The following NTM variants were observed in gnomAD, a reference collection of about 807,000 sequenced individuals.
NTM encodes IgLON family member 2.
A neutral mutation model predicts 42.1 loss-of-function variants in NTM; 13 were observed. The ratio of observed to expected loss-of-function variants is 0.31; its 90% CI spans 0.20 to 0.49. NTM has a LOEUF of 0.49. Ranked by LOEUF, NTM falls within the 20% of genes least tolerant of loss-of-function variation. NTM has a pLI of 0.99. For synonymous variants in NTM, 187 were observed against 179.2 expected (o/e 1.04, Z -0.35); for missense variants, 373 against 452.8 (o/e 0.82, Z 1.60).
chr11:132,146,797 G>T lies in NTM; in HGVS notation c.400+283G>T. The T allele has an allele frequency of 5.0e-6, 2 of 403,340 alleles. No homozygotes were observed. Among genetic ancestry groups the T allele is most frequent in the East Asian group, 4.0e-5 (1 of 24,752 alleles). 25.0% of individuals were successfully genotyped at this position (403,340 alleles called of 1,614,324 possible). Reference sequence around the variant, plus strand: ...TCTTCTTGGCTTTTTTCTCCCCTAAGTTTTAGTTATTTTTGTTTGTTTGTT... The same window carrying T: ...TCTTCTTGGCTTTTTTCTCCCCTAATTTTTAGTTATTTTTGTTTGTTTGTT... On this transcript the variant is annotated intron_variant, in intron 3 of 8. Coordinates refer to ENST00000683400, the MANE Select transcript of NTM (RefSeq NM_001352005.2). The surrounding 1 kb of genome is among the most constrained non-coding windows in gnomAD (Gnocchi z 4.5).
intron 2 of NTM, among the ~76,000 whole-genome samples, chr11:132,019,469 G>T (rs1253311103): frequency 6.6e-6 from 1 of 151,808 alleles, no homozygotes; most frequent in Non-Finnish European, 1.5e-5. Flanking sequence ...TGTCAGGTTT[G>T]CTTGCTGTAT....
At chr11:131,680,257 G>A (rs550077294) in intron 1 of NTM, among the ~76,000 whole-genome samples, 1 of 152,224 alleles carries the variant, frequency 6.6e-6, no homozygotes, top group Non-Finnish European at 1.5e-5. Flanking sequence ...AATCGGAAAA[G>A]ATACCAGATA....
chr11:132,289,283 T>A (rs2094368703), intron 4 of NTM, among the ~76,000 whole-genome samples: 1 of 152,208 alleles, frequency 6.6e-6, no homozygotes, highest in Non-Finnish European at 1.5e-5. Context: ...AGACTCTAGA[T>A]TCTGTTAAGA....
intron 4 of NTM, among the ~76,000 whole-genome samples, chr11:132,215,555 T>C (rs1288675535): frequency 6.6e-6 from 1 of 152,186 alleles, no homozygotes; most frequent in Non-Finnish European, 1.5e-5. Flanking sequence ...GAAACGGAGA[T>C]GGAGGGCCCT....
At chr11:131,947,550 T>TG (rs1232195075) in intron 2 of NTM, among the ~76,000 whole-genome samples, 1 of 151,646 alleles carries the variant, frequency 6.6e-6, no homozygotes, top group Non-Finnish European at 1.5e-5. Context: ...GGCAGGGAGG[T>TG]GGGTGCAGGG....
At chr11:131,835,638 T>A (rs532285323) in intron 1 of NTM, among the ~76,000 whole-genome samples, 1 of 152,304 alleles carries the variant, frequency 6.6e-6, no homozygotes, top group Non-Finnish European at 1.5e-5. Context: ...ACCTTGCTGC[T>A]GAAACCTAAT....
At chr11:132,180,586 AAACC>A (rs999071665) in intron 3 of NTM, among the ~76,000 whole-genome samples, 1 of 152,168 alleles carries the variant, frequency 6.6e-6, no homozygotes, top group Non-Finnish European at 1.5e-5. Context: ...ACAAAAAACA[AAACC>A]AACCAACCAA....
intron 2 of NTM, among the ~76,000 whole-genome samples, chr11:132,040,905 T>C (rs1451048664): frequency 1.3e-5 from 2 of 152,178 alleles, no homozygotes; most frequent in African/African-American, 2.4e-5. Flanking sequence ...TGACACTCAA[T>C]GTCCTTATTG....
At chr11:131,869,142 A>G (rs1467381035) in intron 1 of NTM, among the ~76,000 whole-genome samples, 2 of 151,984 alleles carry the variant, frequency 1.3e-5, no homozygotes, top group Non-Finnish European at 2.9e-5. Flanking sequence ...AATTGAGAAC[A>G]TGAGTAAAAA....
At chr11:131,877,519 C>T (rs544114777) in intron 1 of NTM, among the ~76,000 whole-genome samples, 6 of 152,190 alleles carry the variant, frequency 3.9e-5, no homozygotes, top group African/African-American at 1.4e-4. Context: ...CTGAGAGGGC[C>T]CTTTTGTATC....
At chr11:131,978,439 T>C (rs959746613) in intron 2 of NTM, among the ~76,000 whole-genome samples, 1 of 152,198 alleles carries the variant, frequency 6.6e-6, no homozygotes, top group Non-Finnish European at 1.5e-5. Context: ...ATCTTACTCA[T>C]TATTAAGAAA....
intron 4 of NTM, among the ~76,000 whole-genome samples, chr11:132,217,863 C>G (rs530622949): frequency 2.0e-4 from 30 of 152,072 alleles, no homozygotes; most frequent in African/African-American, 7.2e-4. Context: ...GCTCCCCCTC[C>G]CCTTCCCCAA....
chr11:131,581,554 T>C (rs772261837), intron 1 of NTM, among the ~76,000 whole-genome samples: 4 of 152,120 alleles, frequency 2.6e-5, no homozygotes, highest in Non-Finnish European at 5.9e-5. Flanking sequence ...AAAAAGCAAA[T>C]TGGCCTTTTT....
intron 2 of NTM, among the ~76,000 whole-genome samples, chr11:132,093,553 G>T (rs540436539): frequency 7.4e-4 from 112 of 152,220 alleles, no homozygotes; most frequent in Non-Finnish European, 1.3e-3. Context: ...ACCCAGAATA[G>T]CTTTCTTTAA....
intron 2 of NTM, among the ~76,000 whole-genome samples, chr11:131,972,890 C>T (rs1188730313): frequency 2.0e-5 from 3 of 152,166 alleles, no homozygotes; most frequent in East Asian, 1.9e-4. Flanking sequence ...TCATTTTGAA[C>T]GTGTCTCATT....
intron 1 of NTM, among the ~76,000 whole-genome samples, chr11:131,707,346 A>G (rs563327257): frequency 3.3e-5 from 5 of 152,206 alleles, no homozygotes; most frequent in African/African-American, 1.2e-4. Flanking sequence ...TAAAGGCTGA[A>G]TAGTATTTCA....
intron 1 of NTM, among the ~76,000 whole-genome samples, chr11:131,699,237 G>A (rs1027179272): frequency 2.0e-5 from 3 of 152,220 alleles, no homozygotes; most frequent in Non-Finnish European, 4.4e-5. Flanking sequence ...TACAGAAGAT[G>A]TTGAAATTAG....
At chr11:132,083,321 A>T (rs2059321340) in intron 2 of NTM, among the ~76,000 whole-genome samples, 3 of 152,232 alleles carry the variant, frequency 2.0e-5, no homozygotes, top group Non-Finnish European at 1.5e-5. Flanking sequence ...TAGTGATAGG[A>T]CTGAGTTGTT....
chr11:132,207,568 T>C (rs2082179847), intron 3 of NTM, among the ~76,000 whole-genome samples: 1 of 152,144 alleles, frequency 6.6e-6, no homozygotes, highest in Non-Finnish European at 1.5e-5. Flanking sequence ...AACCATTCCT[T>C]CCCGCATCCC....
Sources: gnomAD v4.1 joint callset for allele counts (sites outside exome capture counted in the v4.1 genomes callset) on GRCh38, gnomAD v4.1.1 for gene constraint, Gnocchi (gnomAD v3.1) non-coding constraint, MANE v1.5 for transcripts, NCBI Gene and HGNC (gene_info 2026-07-23, HGNC 2026-07-21) for gene names.